ATAT1: variants seen among roughly 807,000 people sequenced by gnomAD.
The protein encoded by ATAT1 is alpha-tubulin N-acetyltransferase 1.
Under a neutral mutation model 57.2 loss-of-function variants are expected in ATAT1, and 42 were observed. That is an observed-to-expected ratio of 0.73 (90% CI 0.57 to 0.95). ATAT1 has a LOEUF of 0.95. Among genes scored for constraint, ATAT1 ranks in the 40% least tolerant of loss-of-function variants. ATAT1 has a pLI of 0.00. For synonymous variants in ATAT1, 168 were observed against 187.1 expected, an observed-to-expected ratio of 0.90 and a Z score of 0.83; for missense variants, 454 against 523.7, an observed-to-expected ratio of 0.87 and a Z score of 1.30.
chr6:30,642,997 A>G lies in ATAT1; in HGVS notation c.918A>G (p.Gln306=). The G allele has an allele frequency of 6.2e-7, 1 of 1,612,962 alleles. No individual in the cohort carries two copies. The highest frequency in any genetic ancestry group is 2.2e-5 in the East Asian group (1 of 44,858). Residue 306 remains glutamine (Q), a synonymous_variant, in exon 10 of 13, where the codon CAA becomes CAG. Transcript: ENST00000330083. ...CTGACCCTGGGGGCAGCCCAGCTCA[A>G]CGTCGTCGCACCAGGTAATAGGAGT...
At chr6:30,639,618 A>G (rs1035719645) in intron 6 of ATAT1, among the ~76,000 whole-genome samples, 4 of 151,714 alleles carry the variant, frequency 2.6e-5, no homozygotes, top group African/African-American at 4.8e-5. Flanking sequence ...CTGGGACTAC[A>G]GGCGCCCGCC....
In ATAT1 at chr6:30,627,717, T is replaced by A; in HGVS notation, c.214T>A (p.Ser72Thr). 1.2e-6 allele frequency: 2 copies of A among 1,612,850 alleles called. No homozygotes were observed. Among genetic ancestry groups the A allele is most frequent in the Non-Finnish European group, 1.7e-6 (2 of 1,179,822 alleles). Residue 72 changes from serine to threonine, a missense_variant, in exon 3 of 13, where the codon TCA becomes ACA. Ser to Thr is a moderately conservative substitution (Grantham distance 58). Coordinates refer to ENST00000330083, the MANE Select transcript of ATAT1 (RefSeq NM_001031722.4). ...TGTTGTTTATATTCTCAAAGACAGT[T>A]CAGCCCGACCGTGAGTGCCACATGC...
At chr6:30,630,428 G>C (rs1762605392) in intron 6 of ATAT1, among the ~76,000 whole-genome samples, 1 of 152,172 alleles carries the variant, frequency 6.6e-6, no homozygotes, top group Non-Finnish European at 1.5e-5. Context: ...TTGAGGTCAG[G>C]AGTTTGAGAC....
intron 6 of ATAT1, among the ~76,000 whole-genome samples, chr6:30,638,293 C>T (rs1162052985): frequency 6.6e-6 from 1 of 151,948 alleles, no homozygotes; most frequent in African/African-American, 2.4e-5. Flanking sequence ...GCCCAGCCCC[C>T]ATTAAACTTT....
At chr6:30,637,961 C>T (rs1764504522) in intron 6 of ATAT1, among the ~76,000 whole-genome samples, 1 of 152,220 alleles carries the variant, frequency 6.6e-6, no homozygotes, top group South Asian at 2.1e-4. Context: ...GGCAACAGAG[C>T]GAGACTCCAT....
chr6:30,642,044 G>A, intron 8 of ATAT1, 132 bp from the exon 9 acceptor site: 1 of 1,556,962 alleles, frequency 6.4e-7, no homozygotes, highest in Non-Finnish European at 8.7e-7. Flanking sequence ...CCATGGTGCT[G>A]CTCCTGCAAG....
chr6:30,642,808 G>C lies in ATAT1; in HGVS notation c.729G>C (p.Arg243Ser). The C allele has an allele frequency of 1.2e-6, 2 of 1,612,036 alleles. No individual in the cohort carries two copies. Among genetic ancestry groups the C allele is most frequent in the Non-Finnish European group, 1.7e-6 (2 of 1,179,682 alleles). Residue 243 changes from arginine (R) to serine (S), a missense_variant, in exon 10 of 13, where the codon AGG becomes AGC. Physicochemically the swap from Arg to Ser is moderately radical, Grantham distance 110 (BLOSUM62 -1). Transcript: ENST00000330083. ...TGGAGCCTCCTTGGCCCCTAAACAG[G>C]GCCCCTCGCCGCGCCACACCTCCAG...
At chr6:30,634,605 C>G (rs576414285) in intron 6 of ATAT1, among the ~76,000 whole-genome samples, 111 of 135,604 alleles carry the variant, frequency 8.2e-4, no homozygotes, top group Non-Finnish European at 1.3e-3. Flanking sequence ...GGAGGGTTCT[C>G]TGTCTTACTT....
At chr6:30,642,649 GAAAA>G (rs377430159) in intron 9 of ATAT1, 115 bp from the exon 10 acceptor site, 5 of 594,242 alleles carry the variant, frequency 8.4e-6, no homozygotes, top group African/African-American at 4.9e-5. Context: ...TCTCAAAAAA[GAAAA>G]AAAAAAAAAA....
rs372297447 is a variant in ATAT1, at chr6:30,640,495, G to A, written c.548-40G>A. 1.2e-4 allele frequency: 199 copies of A among 1,612,252 alleles called. 1 individual carries two copies. Among genetic ancestry groups the A allele is most frequent in the African/African-American group, 2.7e-5 (2 of 74,816 alleles). ...AAAGAGCTGGACTCTTGGTCCTGCC[G>A]ACCCCTCACTGAGGGGCCCCGCCGC... is the stretch of plus-strand genomic sequence containing the variant. On this transcript the variant is annotated intron_variant, in intron 7 of 12. Transcript: ENST00000330083.
chr6:30,635,015 C>T (rs905671716), intron 6 of ATAT1, among the ~76,000 whole-genome samples: 4 of 151,992 alleles, frequency 2.6e-5, no homozygotes, highest in African/African-American at 7.2e-5. Context: ...CAAAAAGTCT[C>T]GTTCTGAGCA....
intron 6 of ATAT1, among the ~76,000 whole-genome samples, chr6:30,631,519 C>T (rs1005286142): frequency 2.6e-5 from 4 of 151,982 alleles, no homozygotes; most frequent in Admixed American, 6.6e-5. Context: ...TGACTTACAT[C>T]TGCAATCCTA....
chr6:30,628,370 C>T lies in ATAT1; in HGVS notation c.441C>T (p.Pro147=), dbSNP rs561117936. 1.9e-5 allele frequency: 31 copies of T among 1,613,074 alleles called. 1 individual carries two copies. In the East Asian group the frequency reaches 4.9e-4, roughly 26 times the overall value. The change falls in exon 6 of 13, where the codon CCC becomes CCT. Residue 147 remains proline, a synonymous_variant. Coordinates refer to ENST00000330083, the MANE Select transcript of ATAT1 (RefSeq NM_001031722.4). ...CGCACCAACTGGCAATTGACCGACC[C>T]TCACAGAAGCTGCTGAAATTCCTGA...
intron 9 of ATAT1, 89 bp from the exon 10 acceptor site, chr6:30,642,679 C>G: frequency 1.2e-5 from 10 of 831,550 alleles, no homozygotes; most frequent in Non-Finnish European, 1.8e-5. Flanking sequence ...ACTCAGATTT[C>G]TCTTTTTTTC....
Position 30,628,320 on chromosome 6 carries a change from T to G in ATAT1, c.400-9T>G. The G allele has an allele frequency of 1.2e-6, 2 of 1,612,412 alleles. No homozygotes were observed. The highest frequency in any genetic ancestry group is 2.7e-5 in the African/African-American group (2 of 74,968). ...CTTCCTCCTACCCTGAGTCTCCTTTTCCCTGCAGAAGGAGCGAGTGGAACC... is the reference window on the plus strand; with the variant it reads ...CTTCCTCCTACCCTGAGTCTCCTTTGCCCTGCAGAAGGAGCGAGTGGAACC... On this transcript the variant is annotated splice_polypyrimidine_tract_variant and intron_variant, in intron 5 of 12. Transcript: ENST00000330083.
Position 30,627,881 on chromosome 6 carries a change from C to G in ATAT1, c.255C>G (p.Ile85Met), listed in dbSNP as rs144253175. ...GAAAAGGAGCCATTATTGGTTTCAT[C>G]AAAGTTGGATACAAGAAGCTCTTTG... Residue 85 changes from isoleucine (I) to methionine (M), a missense_variant, in exon 4 of 13, where the codon ATC becomes ATG. Ile to Met is a conservative substitution (Grantham distance 10, BLOSUM62 1). Coordinates refer to ENST00000330083, the MANE Select transcript of ATAT1 (RefSeq NM_001031722.4). The G allele has an allele frequency of 6.2e-5, 100 of 1,612,990 alleles. 1 individual carries two copies. In the African/African-American group the frequency reaches 7.2e-4, roughly 12 times the overall value.
intron 8 of ATAT1, 195 bp downstream of exon 8, chr6:30,640,798 C>A: frequency 3.2e-6 from 2 of 626,520 alleles, no homozygotes; most frequent in Non-Finnish European, 5.5e-6. Flanking sequence ...TTTAACTAAG[C>A]AAGCTCATTG....
chr6:30,643,418 T>C, intron 10 of ATAT1: 3 of 1,508,056 alleles, frequency 2.0e-6, no homozygotes, highest in Non-Finnish European at 2.7e-6. Context: ...GGAGTGGGCA[T>C]TTCCTTTATT....
chr6:30,636,678 G>C (rs568219795), intron 6 of ATAT1, among the ~76,000 whole-genome samples: 51 of 152,052 alleles, frequency 3.4e-4, no homozygotes, highest in Non-Finnish European at 5.9e-4. Flanking sequence ...TGCTTGTTGG[G>C]GGGTGGGGGT....
Sources: gnomAD v4.1 joint callset for allele counts (sites outside exome capture counted in the v4.1 genomes callset) on GRCh38, gnomAD v4.1.1 for gene constraint, MANE v1.5 for transcripts, NCBI Gene and HGNC (gene_info 2026-07-23, HGNC 2026-07-21) for gene names.